GRIN2D: variants seen among roughly 807,000 people sequenced by gnomAD.
GRIN2D encodes glutamate receptor ionotropic, NMDA 2D.
Under a neutral mutation model 103.2 loss-of-function variants are expected in GRIN2D, and 37 were observed. The observed-to-expected ratio is 0.36, with a 90% CI of 0.28 to 0.47. The LOEUF is 0.47. Ranked by LOEUF, GRIN2D falls within the 20% of genes least tolerant of loss-of-function variation. The pLI is 1.00. For missense variants in GRIN2D, 1,557 were observed against 1,910.6 expected (o/e 0.81, Z 3.45); for synonymous variants, 845 against 885.6 (o/e 0.95, Z 0.81).
intron 3 of GRIN2D, among the ~76,000 whole-genome samples, chr19:48,402,160 GAA>G (rs1321303684): frequency 0.036 from 5,055 of 141,134 alleles, 145 homozygotes; most frequent in South Asian, 0.051. Context: ...AAGAAAGAAA[GAA>G]AGAAAGAGAG....
intron 3 of GRIN2D, among the ~76,000 whole-genome samples, 170 bp from the exon 4 acceptor site, chr19:48,404,564 G>C (rs62132016): frequency 0.18 from 27,807 of 152,090 alleles, 2,729 homozygotes; most frequent in East Asian, 0.27. Flanking sequence ...AACTCATCAC[G>C]TGGCTAAACC....
chr19:48,442,301 C>T lies in GRIN2D; in HGVS notation c.2592C>T (p.Ala864=), dbSNP rs1971305711. ...VAMGLSLLVF[A]WEHLVYWRLR... ...TGGGCCTGTCCCTGCTGGTCTTCGC[C>T]TGGGAGCACCTGGTGTACTGGCGCC... Residue 864 remains alanine (A), a synonymous_variant, in exon 13 of 14, where the codon GCC becomes GCT. Coordinates refer to ENST00000263269, the MANE Select transcript of GRIN2D (RefSeq NM_000836.4). This position sits in a 1 kb window ranked among gnomAD's most constrained non-coding sequence, Gnocchi z 7.2. 6.2e-7 allele frequency: 1 copy of T among 1,614,006 alleles called. No homozygotes were observed. Among genetic ancestry groups the T allele is most frequent in the South Asian group, 1.1e-5 (1 of 91,090 alleles).
chr19:48,407,193 G>T (rs1379053729), intron 4 of GRIN2D, among the ~76,000 whole-genome samples: 1 of 151,106 alleles, frequency 6.6e-6, no homozygotes, highest in East Asian at 1.9e-4. Context: ...GGCCAGTCTC[G>T]AACTCCTAAC....
At chr19:48,433,430 G>A (rs567838328) in intron 11 of GRIN2D, among the ~76,000 whole-genome samples, 3 of 152,256 alleles carry the variant, frequency 2.0e-5, no homozygotes, top group East Asian at 1.9e-4. Flanking sequence ...CATATGTGGC[G>A]AGCTAGTGGT....
At chr19:48,433,057 C>A (rs1358725866) in intron 11 of GRIN2D, among the ~76,000 whole-genome samples, 1 of 32,176 alleles carries the variant, frequency 3.1e-5, no homozygotes, top group Non-Finnish European at 5.4e-5. Context: ...TCCCAAAGTG[C>A]TGGGATTACA....
chr19:48,432,855 A>T (rs529119056), intron 11 of GRIN2D, among the ~76,000 whole-genome samples: 1 of 147,182 alleles, frequency 6.8e-6, no homozygotes, highest in East Asian at 2.0e-4. Flanking sequence ...CAGTGGCACG[A>T]TCTCTGCTCA....
intron 2 of GRIN2D, among the ~76,000 whole-genome samples, chr19:48,397,663 C>T (rs746690093): frequency 6.6e-6 from 1 of 151,982 alleles, no homozygotes; most frequent in Non-Finnish European, 1.5e-5. Context: ...CTCCCTGGGC[C>T]TCCCTCATTC....
intron 4 of GRIN2D, among the ~76,000 whole-genome samples, chr19:48,410,081 A>G (rs1371611516): frequency 6.6e-6 from 1 of 150,762 alleles, no homozygotes; most frequent in African/African-American, 2.4e-5. Flanking sequence ...CACTGCGCCC[A>G]GCCTGGACTT....
In GRIN2D at chr19:48,414,573, C is replaced by T. The variant is rs1200822556; in HGVS notation, c.1401C>T (p.Asn467=). 1 of 1,551,554 alleles carries T rather than the reference C, an allele frequency of 6.4e-7. No homozygotes were observed. The highest frequency in any genetic ancestry group is 1.2e-5 in the South Asian group (1 of 84,220). Residue 467 remains asparagine (N), a synonymous_variant, in exon 6 of 14, where the codon AAC becomes AAT. Coordinates refer to ENST00000263269, the MANE Select transcript of GRIN2D (RefSeq NM_000836.4). The surrounding 1 kb of genome is among the most constrained non-coding windows in gnomAD (Gnocchi z 4.6). The part of the protein sequence containing the change: ...RDSVPCRSQL[N]RTHSPPPDAP... The stretch of plus-strand genomic sequence containing the variant: ...CCGTCCCCTGCCGGAGCCAGCTCAA[C>T]CGAACCCACAGGTGACAGCTCGGGA...
At chr19:48,438,891 C>T (rs147867827) in intron 11 of GRIN2D, among the ~76,000 whole-genome samples, 4,358 of 151,324 alleles carry the variant, frequency 0.029, 208 homozygotes, top group African/African-American at 0.099. Context: ...AGGGATCCTC[C>T]TGCCTCAGCC....
chr19:48,398,714 T>C lies in GRIN2D; in HGVS notation c.322T>C (p.Ser108Pro). The C allele has an allele frequency of 6.8e-7, 1 of 1,468,370 alleles. No homozygotes were observed. The highest frequency in any genetic ancestry group is 9.0e-7 in the Non-Finnish European group (1 of 1,116,072). The allele number at this position is 1,468,370 out of a possible 1,614,324, so 91.0% of individuals were successfully genotyped here. ...SLVLQLCDLL[S>P]GLRVHGVVFE... ...CGTGCTGCAGCTCTGCGACCTGCTG[T>C]CGGGGTTGCGCGTGCACGGCGTGGT... The change falls in exon 3 of 14, where the codon TCG becomes CCG. Residue 108 changes from serine (S) to proline (P), a missense_variant. Physicochemically the swap from Ser to Pro is moderately conservative, Grantham distance 74 (BLOSUM62 -1). Around this residue, in one of 7 missense-constraint regions of GRIN2D, gnomAD observed 490 missense variants for 601.1 expected, o/e 0.82. Transcript: ENST00000263269.
chr19:48,424,734 GACC>G (rs1426949420), intron 11 of GRIN2D, among the ~76,000 whole-genome samples: 2 of 152,128 alleles, frequency 1.3e-5, no homozygotes, highest in East Asian at 3.8e-4. Flanking sequence ...GGTTCAGAGT[GACC>G]ACATTTCAAG....
chr19:48,415,191 T>C (rs975523523), intron 7 of GRIN2D, among the ~76,000 whole-genome samples, 159 bp downstream of exon 7: 3 of 151,514 alleles, frequency 2.0e-5, no homozygotes, highest in African/African-American at 4.9e-5. Flanking sequence ...GGCAAAACGG[T>C]GAAACCCCGT....
intron 4 of GRIN2D, among the ~76,000 whole-genome samples, chr19:48,412,422 A>AAAGG (rs1445449281): frequency 1.4e-4 from 2 of 14,514 alleles, no homozygotes; most frequent in Non-Finnish European, 2.7e-4. Context: ...AAGAGAAAGA[A>AAAGG]AAGAAAGAAA....
At chr19:48,435,296 GTTTTTT>G (rs766061537) in intron 11 of GRIN2D, among the ~76,000 whole-genome samples, 2 of 121,624 alleles carry the variant, frequency 1.6e-5, no homozygotes, top group African/African-American at 3.2e-5. Flanking sequence ...TCAGCCACTT[GTTTTTT>G]TTTTTTTTTT....
chr19:48,413,635 C>A (rs1970903573), intron 4 of GRIN2D, among the ~76,000 whole-genome samples: 1 of 121,906 alleles, frequency 8.2e-6, no homozygotes, highest in Non-Finnish European at 1.6e-5. Flanking sequence ...GCACTCCAGC[C>A]TGGGAGACAG....
intron 8 of GRIN2D, among the ~76,000 whole-genome samples, chr19:48,416,896 C>T (rs1456109565): frequency 6.6e-6 from 1 of 152,050 alleles, no homozygotes; most frequent in East Asian, 1.9e-4. Flanking sequence ...AGGCATGCAC[C>T]ACCACGCCTG....
intron 4 of GRIN2D, among the ~76,000 whole-genome samples, chr19:48,406,326 C>T (rs946648011): frequency 6.6e-6 from 1 of 152,214 alleles, no homozygotes; most frequent in Non-Finnish European, 1.5e-5. Context: ...GTGTGCCCAA[C>T]TTACGCACTA....
chr19:48,434,554 G>A (rs1461241761), intron 11 of GRIN2D, among the ~76,000 whole-genome samples: 1 of 151,766 alleles, frequency 6.6e-6, no homozygotes, highest in Non-Finnish European at 1.5e-5. Context: ...CACCATGCCT[G>A]GCCCACTTCT....
Sources: allele counts gnomAD v4.1 joint callset (sites outside exome capture counted in the v4.1 genomes callset), GRCh38; gene constraint gnomAD v4.1.1; regional missense constraint gnomAD v4.1.1; non-coding constraint Gnocchi (gnomAD v3.1); transcripts MANE v1.5; gene names NCBI Gene and HGNC (gene_info 2026-07-23, HGNC 2026-07-21).